Variants in IRAG2 observed in about 807,000 individuals in gnomAD.
IRAG2 encodes the protein lymphoid restricted membrane protein.
Under a neutral mutation model 69.9 loss-of-function variants are expected in IRAG2, and 45 were observed. That is an observed-to-expected ratio of 0.64 (90% CI 0.51 to 0.83). The LOEUF is 0.83. Among genes scored for constraint, IRAG2 ranks in the 40% least tolerant of loss-of-function variants. IRAG2 has a pLI of 0.00. For synonymous variants in IRAG2, 193 were observed against 202.4 expected (o/e 0.95, Z 0.40); for missense variants, 520 against 587.0 (o/e 0.89, Z 1.18).
intron 6 of IRAG2, among the ~76,000 whole-genome samples, chr12:25,073,072 C>G (rs1946436726): frequency 1.3e-5 from 2 of 152,098 alleles, no homozygotes; most frequent in South Asian, 4.2e-4. Flanking sequence ...TGTGGGTTGG[C>G]CTCTGTGTGA....
intron 3 of IRAG2, among the ~76,000 whole-genome samples, chr12:25,013,827 TA>T (rs1944496863): frequency 6.6e-6 from 1 of 151,384 alleles, no homozygotes; most frequent in South Asian, 2.1e-4. Context: ...CCAAAACGAT[TA>T]TTTTTGCATA....
intron 4 of IRAG2, among the ~76,000 whole-genome samples, chr12:25,064,291 C>T (rs954604179): frequency 5.3e-5 from 8 of 151,924 alleles, no homozygotes; most frequent in Non-Finnish European, 1.2e-4. Flanking sequence ...AAAAAGTATT[C>T]TAATGGGTGA....
At chr12:25,040,754 C>G (rs1430746800) in intron 16 of IRAG2, among the ~76,000 whole-genome samples, 1 of 152,076 alleles carries the variant, frequency 6.6e-6, no homozygotes, top group African/African-American at 2.4e-5. Flanking sequence ...CTCTCAGAAG[C>G]CTTGGTGAGG....
intron 14 of IRAG2, among the ~76,000 whole-genome samples, chr12:25,094,997 T>G (rs1452740974): frequency 1.3e-5 from 2 of 152,182 alleles, no homozygotes; most frequent in South Asian, 4.1e-4. Context: ...TTACTATGTA[T>G]GAGATCATAT....
chr12:25,051,461 G>T (rs1944870847), upstream of IRAG2, among the ~76,000 whole-genome samples: 1 of 152,170 alleles, frequency 6.6e-6, no homozygotes, highest in South Asian at 2.1e-4. Context: ...TTGAGTTAAG[G>T]TCCATATTCA....
chr12:25,026,209 A>G (rs1336006681), intron 8 of IRAG2, among the ~76,000 whole-genome samples: 2 of 152,192 alleles, frequency 1.3e-5, no homozygotes, highest in African/African-American at 4.8e-5. Context: ...ATATACCAGG[A>G]TGATATGATA....
chr12:25,107,895 T>C lies in IRAG2; in HGVS notation c.1335T>C (p.Ile445=). Reference sequence around the variant, plus strand: ...CTAATAAGGCCCTCTGGCTCTCTATTGCATTCATTGTACTGTTTGCAGCTT... The same window carrying C: ...CTAATAAGGCCCTCTGGCTCTCTATCGCATTCATTGTACTGTTTGCAGCTT... ...RKANKALWLS[I]AFIVLFAALM... The change falls in exon 22 of 22, where the codon ATT becomes ATC. Residue 445 remains isoleucine, a synonymous_variant. Transcript: ENST00000556887. The C allele has an allele frequency of 6.2e-7, 1 of 1,614,216 alleles. No individual in the cohort carries two copies. The highest frequency in any genetic ancestry group is 8.5e-7 in the Non-Finnish European group (1 of 1,180,026).
chr12:25,071,879 G>A (rs74626334), intron 6 of IRAG2, among the ~76,000 whole-genome samples: 7,499 of 151,600 alleles, frequency 0.049, 201 homozygotes, highest in Middle Eastern at 0.11. Flanking sequence ...ATGTGACTGC[G>A]TGGTTTTGTC....
At chr12:25,101,042 G>T in intron 15 of IRAG2, 136 bp from the exon 16 acceptor site, 1 of 630,740 alleles carries the variant, frequency 1.6e-6, no homozygotes, top group Non-Finnish European at 2.5e-6. Context: ...GTAGATGCAT[G>T]TCTTTTTAAA....
At chr12:25,070,130 A>G (rs1489105044) in intron 6 of IRAG2, among the ~76,000 whole-genome samples, 1 of 152,174 alleles carries the variant, frequency 6.6e-6, no homozygotes, top group Admixed American at 6.5e-5. Flanking sequence ...CACCCACCAG[A>G]CAATTCATTA....
chr12:25,013,712 A>C (rs1720387860), intron 3 of IRAG2, among the ~76,000 whole-genome samples: 1 of 151,976 alleles, frequency 6.6e-6, no homozygotes, highest in African/African-American at 2.4e-5. Context: ...AGAAATTAAT[A>C]TGTAATTACT....
intron 6 of IRAG2, among the ~76,000 whole-genome samples, chr12:25,075,201 G>A (rs1946598155): frequency 6.6e-6 from 1 of 152,090 alleles, no homozygotes; most frequent in Admixed American, 6.6e-5. Flanking sequence ...TCCTCTTTTT[G>A]GAACATTTAA....
At chr12:25,107,552 T>C (rs566374376) in intron 21 of IRAG2, among the ~76,000 whole-genome samples, 1 of 150,674 alleles carries the variant, frequency 6.6e-6, no homozygotes, top group East Asian at 2.0e-4. Context: ...AAGAATGAGA[T>C]ACTTGTATGT....
At chr12:25,016,700 A>T (rs981669306) in intron 5 of IRAG2, among the ~76,000 whole-genome samples, 2 of 151,696 alleles carry the variant, frequency 1.3e-5, no homozygotes, top group Non-Finnish European at 1.5e-5. Flanking sequence ...GAGGCGGAGG[A>T]TCGTGCCACT....
chr12:25,069,431 A>G lies in IRAG2; in HGVS notation c.24A>G (p.Glu8=). 6.2e-7 allele frequency: 1 copy of G among 1,613,974 alleles called. No individual in the cohort carries two copies. Among genetic ancestry groups the G allele is most frequent in the Middle Eastern group, 1.6e-4 (1 of 6,062 alleles). The change falls in exon 6 of 22, where the codon GAA becomes GAG. Residue 8 remains glutamate, a splice_region_variant and synonymous_variant. Coordinates refer to ENST00000556887, the MANE Select transcript of IRAG2 (RefSeq NM_001366544.2). MNDDPSM[E]ENGVERVCPE... ...GGATGAATGATGACCCAAGTATGGA[A>G]GTGAGTGTTGGACTGGATTTTGGTT...
At chr12:25,025,526 A>AAC (rs77611190) in intron 8 of IRAG2, among the ~76,000 whole-genome samples, 3,376 of 151,036 alleles carry the variant, frequency 0.022, 45 homozygotes, top group East Asian at 0.079. Context: ...AACAAAACAA[A>AAC]AAAAACACTT....
intron 5 of IRAG2, among the ~76,000 whole-genome samples, chr12:25,016,058 T>C (rs934325922): frequency 5.3e-5 from 8 of 151,380 alleles, no homozygotes; most frequent in African/African-American, 2.0e-4. Context: ...TAGCCGGGCA[T>C]GGTGGCACGT....
chr12:25,003,596 CT>C (rs915193135), upstream of IRAG2, among the ~76,000 whole-genome samples: 38 of 151,242 alleles, frequency 2.5e-4, no homozygotes, highest in East Asian at 4.3e-3. Context: ...GAGATTATGC[CT>C]TTTTTTTTAA....
intron 9 of IRAG2, among the ~76,000 whole-genome samples, chr12:25,028,323 T>C (rs906771270): frequency 2.0e-5 from 3 of 152,246 alleles, no homozygotes; most frequent in Non-Finnish European, 4.4e-5. Flanking sequence ...CTCAAATTTC[T>C]CTACATTCTT....
Sources: allele counts gnomAD v4.1 joint callset (sites outside exome capture counted in the v4.1 genomes callset), GRCh38; gene constraint gnomAD v4.1.1; transcripts MANE v1.5; gene names NCBI Gene and HGNC (gene_info 2026-07-23, HGNC 2026-07-21).